Variants in PHACTR4 observed in about 807,000 individuals in gnomAD.
PHACTR4 encodes the protein protein phosphatase 1, regulatory subunit 124.
Under a neutral mutation model 72.7 loss-of-function variants are expected in PHACTR4, and 51 were observed. That is an observed-to-expected ratio of 0.70 (90% CI 0.56 to 0.89). PHACTR4 has a LOEUF of 0.89. Ranked by LOEUF, PHACTR4 falls within the 40% of genes least tolerant of loss-of-function variation. The probability of loss-of-function intolerance (pLI) is 0.00; values close to 1 mark genes in which losing one functional copy is unlikely to be tolerated. For missense variants in PHACTR4, 731 were observed against 861.8 expected (o/e 0.85, Z 1.90); for synonymous variants, 255 against 302.5 (o/e 0.84, Z 1.63).
chr1:28,492,631 G>A (rs532570841), intron 12 of PHACTR4, among the ~76,000 whole-genome samples: 3 of 151,704 alleles, frequency 2.0e-5, no homozygotes, highest in Non-Finnish European at 2.9e-5. Context: ...GTGGTAGTGC[G>A]CACCTGTAAT....
In PHACTR4 at chr1:28,407,583, G is replaced by T; in HGVS notation, c.16+120G>T. The T allele has an allele frequency of 4.1e-6, 3 of 734,844 alleles. No individual in the cohort carries two copies. The South Asian group carries it at 6.9e-5, about 17-fold the overall frequency. 45.5% of individuals were successfully genotyped at this position (734,844 alleles called of 1,614,324 possible). A position where few individuals can be genotyped will look rare whatever the true frequency, so the allele number is the denominator to read the frequency against. ...TCAGTATGCTACTCTCTAGAATAAT[G>T]GGTCTCAAACTTTTTGCTTCTATAA... On this transcript the variant is annotated intron_variant, in intron 2 of 13. Coordinates refer to ENST00000373839, the MANE Select transcript of PHACTR4 (RefSeq NM_001048183.3).
rs915492113 is a variant in PHACTR4, at chr1:28,496,712, G to C, written c.*163G>C. The C allele has an allele frequency of 2.5e-5, 20 of 801,062 alleles. No individual in the cohort carries two copies. The highest frequency in any genetic ancestry group is 4.2e-5 in the Non-Finnish European group (20 of 476,596). The allele number at this position is 801,062 out of a possible 1,614,324, so 49.6% of individuals were successfully genotyped here. On this transcript the variant is annotated 3_prime_UTR_variant, in exon 14 of 14. Transcript: ENST00000373839. ...GAATGTAGCATTTCACTGGAACAGA[G>C]TCTTATGTGCTGCACCGGGGGCAAA... is the stretch of plus-strand genomic sequence containing the variant.
chr1:28,489,525 C>A (rs1660904968), intron 10 of PHACTR4, among the ~76,000 whole-genome samples: 2 of 152,212 alleles, frequency 1.3e-5, no homozygotes, highest in South Asian at 4.1e-4. Context: ...GAGATGTGCC[C>A]AATTTTTCTG....
chr1:28,494,459 G>C (rs532191196), intron 13 of PHACTR4: 1 of 152,356 alleles, frequency 6.6e-6, no homozygotes, highest in Non-Finnish European at 1.5e-5. Context: ...TTGGAGACCA[G>C]CCTGGTCAAC....
At chr1:28,391,813 G>A (rs1653068416) in intron 1 of PHACTR4, among the ~76,000 whole-genome samples, 1 of 151,712 alleles carries the variant, frequency 6.6e-6, no homozygotes, top group Non-Finnish European at 1.5e-5. Context: ...CTCCATGTTG[G>A]TCAGGCTGAT....
At chr1:28,376,314 A>C (rs994490267) in intron 1 of PHACTR4, among the ~76,000 whole-genome samples, 10 of 59,266 alleles carry the variant, frequency 1.7e-4, no homozygotes, top group African/African-American at 1.2e-3. Flanking sequence ...CCTTGTCTCA[A>C]AAAAAAAAAA....
At chr1:28,427,634 C>T (rs752281391) in intron 2 of PHACTR4, among the ~76,000 whole-genome samples, 39 of 152,184 alleles carry the variant, frequency 2.6e-4, no homozygotes, top group Non-Finnish European at 4.6e-4. Flanking sequence ...ATCATCTTCC[C>T]ACTGAGGCCC....
chr1:28,494,765 G>A (rs1661241705), intron 13 of PHACTR4, among the ~76,000 whole-genome samples: 1 of 152,224 alleles, frequency 6.6e-6, no homozygotes, highest in Non-Finnish European at 1.5e-5. Flanking sequence ...GGGCAGTGTG[G>A]TGAAAATAAA....
At chr1:28,442,081 T>C (rs1266278047) in intron 2 of PHACTR4, among the ~76,000 whole-genome samples, 1 of 152,242 alleles carries the variant, frequency 6.6e-6, no homozygotes, top group African/African-American at 2.4e-5. Flanking sequence ...TTCTTTACTA[T>C]GTGTCATATT....
chr1:28,494,018 A>C (rs985646235), intron 13 of PHACTR4, among the ~76,000 whole-genome samples: 1 of 152,150 alleles, frequency 6.6e-6, no homozygotes, highest in Non-Finnish European at 1.5e-5. Context: ...GCTAGCCACA[A>C]ATGGAATCAG....
intron 4 of PHACTR4, among the ~76,000 whole-genome samples, chr1:28,461,715 C>T (rs1444798703): frequency 2.0e-5 from 3 of 151,866 alleles, no homozygotes; most frequent in Admixed American, 2.0e-4. Flanking sequence ...TTAATTGAGA[C>T]AGGGTCTCCC....
chr1:28,439,396 T>A (rs1273919839), intron 2 of PHACTR4, among the ~76,000 whole-genome samples: 2 of 152,104 alleles, frequency 1.3e-5, no homozygotes, highest in Non-Finnish European at 2.9e-5. Flanking sequence ...TGTAGTGAGA[T>A]TTTGTTTCTA....
At position 28,496,348 on chromosome 1, in the gene PHACTR4, G is replaced by A. The variant is rs571311121; in HGVS notation, c.2094-186G>A. Among the ~76,000 whole-genome samples the A allele has an allele frequency of 6.6e-5, 10 of 151,974 alleles. No homozygotes were observed. The South Asian group carries it at 1.9e-3, about 28-fold the overall frequency. On this transcript the variant is annotated intron_variant, in intron 13 of 13. Coordinates refer to ENST00000373839, the MANE Select transcript of PHACTR4 (RefSeq NM_001048183.3). Reference sequence around the variant, plus strand: ...TGGGATTACAGGTGTGAACCATTGCGCCCAGCCGAGAAGAGTTTTAAGAAG... The same window carrying A: ...TGGGATTACAGGTGTGAACCATTGCACCCAGCCGAGAAGAGTTTTAAGAAG...
intron 9 of PHACTR4, among the ~76,000 whole-genome samples, chr1:28,487,817 A>G (rs1041752921): frequency 4.9e-5 from 7 of 142,136 alleles, no homozygotes; most frequent in African/African-American, 1.9e-4. Flanking sequence ...GCTCACTGCA[A>G]CCTCCATCTC....
At chr1:28,449,706 G>A (rs1345389212) in intron 2 of PHACTR4, among the ~76,000 whole-genome samples, 1 of 151,978 alleles carries the variant, frequency 6.6e-6, no homozygotes, top group African/African-American at 2.4e-5. Context: ...ACAAAAGTTA[G>A]CCAGGCGTGG....
At chr1:28,453,642 C>G in intron 2 of PHACTR4, 1 of 1,265,118 alleles carries the variant, frequency 7.9e-7, no homozygotes, top group Non-Finnish European at 1.1e-6. Flanking sequence ...AAGAGAGACT[C>G]GGTTCTAACA....
chr1:28,390,273 A>G (rs1163167887), intron 1 of PHACTR4, among the ~76,000 whole-genome samples: 1 of 152,170 alleles, frequency 6.6e-6, no homozygotes, highest in East Asian at 1.9e-4. Flanking sequence ...CTCCTGCCTC[A>G]GCCTTCTGAG....
chr1:28,483,181 A>C (rs1660389268), intron 9 of PHACTR4, among the ~76,000 whole-genome samples: 1 of 151,660 alleles, frequency 6.6e-6, no homozygotes, highest in Admixed American at 6.6e-5. Flanking sequence ...AGGTGGGCGG[A>C]TCACTTGAGC....
intron 1 of PHACTR4, among the ~76,000 whole-genome samples, chr1:28,402,708 C>T (rs1265176027): frequency 3.3e-5 from 5 of 152,194 alleles, no homozygotes; most frequent in African/African-American, 1.2e-4. Context: ...AGGAATATTT[C>T]TGTCTTGCAC....
Sources: allele counts gnomAD v4.1 joint callset (sites outside exome capture counted in the v4.1 genomes callset), GRCh38; gene constraint gnomAD v4.1.1; transcripts MANE v1.5; gene names NCBI Gene and HGNC (gene_info 2026-07-23, HGNC 2026-07-21).